Variants in MYOM1 observed in about 807,000 individuals in gnomAD.
MYOM1 encodes myomesin-1.
Under a neutral mutation model 205.3 loss-of-function variants are expected in MYOM1, and 164 were observed. That is an observed-to-expected ratio of 0.80 (90% CI 0.70 to 0.91). The LOEUF is 0.91. MYOM1 is among the 40% of genes least tolerant of loss of function. MYOM1 has a pLI of 0.00. For synonymous variants in MYOM1, 772 were observed against 789.4 expected (o/e 0.98, Z 0.37); for missense variants, 2,011 against 2,127.3 (o/e 0.95, Z 1.08).
At chr18:3,194,020 C>T (rs1186132291) in intron 2 of MYOM1, 62 bp from the exon 3 acceptor site, 39 of 1,540,628 alleles carry the variant, frequency 2.5e-5, no homozygotes, top group Non-Finnish European at 1.7e-5. Context: ...ATTCAAAATA[C>T]GATAGAGGAA....
intron 1 of MYOM1, chr18:3,217,145 AGG>A (rs1196612105): frequency 6.6e-6 from 1 of 152,386 alleles, no homozygotes; most frequent in African/African-American, 2.4e-5. Flanking sequence ...CAGAGTTGTA[AGG>A]TAATAAGTTT....
In MYOM1 at chr18:3,115,676, G is replaced by T. The variant is rs144770889; in HGVS notation, c.3303+655C>A. On this transcript the variant is annotated intron_variant, in intron 21 of 37. Coordinates refer to ENST00000356443, the MANE Select transcript of MYOM1 (RefSeq NM_003803.4). ...TCCAGGTGCCACTGCTAACACTAGC[G>T]GAAAATATTCTTTCGAAATTTCCTT... Among the ~76,000 whole-genome samples the T allele has an allele frequency of 1.6e-3, 239 of 152,256 alleles. 2 individuals carry two copies. Among genetic ancestry groups the T allele is most frequent in the African/African-American group, 5.3e-3 (221 of 41,540 alleles).
chr18:3,111,588 T>C (rs1245507540), intron 22 of MYOM1, among the ~76,000 whole-genome samples: 1 of 152,166 alleles, frequency 6.6e-6, no homozygotes, highest in Non-Finnish European at 1.5e-5. Context: ...TATTTTTAAA[T>C]AGTTGAAAAA....
At chr18:3,078,383 C>T (rs11874398) in intron 34 of MYOM1, among the ~76,000 whole-genome samples, 79,844 of 151,848 alleles carry the variant, frequency 0.53, 22,107 homozygotes, top group Admixed American at 0.66. Flanking sequence ...AGTTAGTCCA[C>T]AGTTGTCTTT....
chr18:3,229,421 C>T, the MYOM1 span, among the ~76,000 whole-genome samples: 2 of 150,930 alleles, frequency 1.3e-5, no homozygotes, highest in African/African-American at 2.4e-5. Flanking sequence ...TCTTTCAGTT[C>T]GAAAAGGATA....
chr18:3,075,315 A>G, intron 36 of MYOM1, 139 bp downstream of exon 36: 2 of 760,646 alleles, frequency 2.6e-6, no homozygotes, highest in Non-Finnish European at 4.4e-6. Context: ...AAATGAAAAC[A>G]TATGTAGAAC....
At chr18:3,174,704 GA>G (rs747270601) in intron 6 of MYOM1, among the ~76,000 whole-genome samples, 3 of 152,180 alleles carry the variant, frequency 2.0e-5, no homozygotes, top group Non-Finnish European at 4.4e-5. Flanking sequence ...ATAGGGAAGA[GA>G]AAGAAGCAGT....
chr18:3,094,361 A>G (rs2079270079), intron 25 of MYOM1, 55 bp from the exon 26 acceptor site: 1 of 1,322,578 alleles, frequency 7.6e-7, no homozygotes, highest in East Asian at 2.5e-5. Flanking sequence ...TTATATTGGT[A>G]CTCATTTTCC....
intron 2 of MYOM1, among the ~76,000 whole-genome samples, chr18:3,198,908 G>C (rs531239826): frequency 6.6e-6 from 1 of 152,332 alleles, no homozygotes; most frequent in South Asian, 2.1e-4. Context: ...GCAGAGGTGG[G>C]ACTTCCAGTA....
At chr18:3,151,632 CTGAT>C (rs1158014814) in intron 12 of MYOM1, 58 bp downstream of exon 12, 11 of 1,430,244 alleles carry the variant, frequency 7.7e-6, no homozygotes, top group Non-Finnish European at 7.6e-6. Context: ...TGCAATGAAG[CTGAT>C]TCTTGCAGTC....
intron 16 of MYOM1, among the ~76,000 whole-genome samples, chr18:3,132,874 C>T (rs1265318292): frequency 6.6e-6 from 1 of 152,186 alleles, no homozygotes. Context: ...ATCACTGTAA[C>T]ATTTGAATCC....
chr18:3,153,212 C>G (rs1430704940), intron 11 of MYOM1, among the ~76,000 whole-genome samples: 1 of 152,212 alleles, frequency 6.6e-6, no homozygotes, highest in African/African-American at 2.4e-5. Flanking sequence ...CTGACACTTT[C>G]CGCAGCACGT....
chr18:3,224,901 G>T (rs1304478493), upstream of MYOM1, among the ~76,000 whole-genome samples: 1 of 152,148 alleles, frequency 6.6e-6, no homozygotes, highest in African/African-American at 2.4e-5. Flanking sequence ...TGCTGACCTC[G>T]TGATCCACCC....
At chr18:3,172,861 C>T (rs1415691257) in intron 8 of MYOM1, among the ~76,000 whole-genome samples, 7 of 152,162 alleles carry the variant, frequency 4.6e-5, no homozygotes, top group East Asian at 1.9e-4. Flanking sequence ...GAACATGATT[C>T]GGGATGTGCT....
intron 14 of MYOM1, among the ~76,000 whole-genome samples, chr18:3,138,077 G>C (rs1026204905): frequency 6.6e-6 from 1 of 152,142 alleles, no homozygotes; most frequent in Non-Finnish European, 1.5e-5. Context: ...GGAAATCCTC[G>C]AATGAAGGAC....
At chr18:3,207,448 G>A (rs1429683841) in intron 2 of MYOM1, among the ~76,000 whole-genome samples, 5 of 152,146 alleles carry the variant, frequency 3.3e-5, no homozygotes, top group Non-Finnish European at 7.4e-5. Flanking sequence ...AGGTGTCCAG[G>A]GTTTGTCAAA....
At chr18:3,079,897 G>A (rs1380182012) in intron 33 of MYOM1, among the ~76,000 whole-genome samples, 1 of 152,128 alleles carries the variant, frequency 6.6e-6, no homozygotes, top group African/African-American at 2.4e-5. Flanking sequence ...CCGCCAACAC[G>A]AATGAGGCAT....
intron 26 of MYOM1, among the ~76,000 whole-genome samples, chr18:3,091,024 T>C (rs2079218818): frequency 6.6e-6 from 1 of 151,560 alleles, no homozygotes; most frequent in Non-Finnish European, 1.5e-5. Flanking sequence ...TATATAAAAA[T>C]AGAAAAATAG....
intron 16 of MYOM1, among the ~76,000 whole-genome samples, chr18:3,133,614 G>C (rs928815581): frequency 6.6e-6 from 1 of 151,948 alleles, no homozygotes; most frequent in African/African-American, 2.4e-5. Flanking sequence ...TAAAATTCCT[G>C]GGTAATTTAT....
Sources: gnomAD v4.1 joint callset for allele counts (sites outside exome capture counted in the v4.1 genomes callset) on GRCh38, gnomAD v4.1.1 for gene constraint, MANE v1.5 for transcripts, NCBI Gene and HGNC (gene_info 2026-07-23, HGNC 2026-07-21) for gene names.